Variants in DENND4C observed in about 807,000 individuals in gnomAD.
DENND4C encodes the protein DENN domain containing 4C, also known as DENN domain-containing protein 4C.
DENND4C carries 108 observed loss-of-function variants against 203.0 expected under a neutral mutation model. The ratio of observed to expected loss-of-function variants is 0.53; its 90% CI spans 0.46 to 0.62. DENND4C has a LOEUF of 0.62. Ranked by LOEUF, DENND4C falls within the 20% of genes least tolerant of loss-of-function variation. The pLI, the probability that DENND4C is intolerant of heterozygous loss-of-function variation, is 0.00. For missense variants in DENND4C, 2,481 were observed against 2,301.2 expected, an observed-to-expected ratio of 1.08 and a Z score of -1.60; for synonymous variants, 871 against 792.4, an observed-to-expected ratio of 1.10 and a Z score of -1.67.
chr9:19,328,229 C>A, intron 16 of DENND4C, 67 bp downstream of exon 16: 1 of 1,419,708 alleles, frequency 7.0e-7, no homozygotes, highest in South Asian at 1.4e-5. Flanking sequence ...ATATGCAGCT[C>A]ATAGTTTAGA....
intron 1 of DENND4C, among the ~76,000 whole-genome samples, chr9:19,245,804 A>C (rs200159627): frequency 1.3e-5 from 2 of 150,842 alleles, no homozygotes; most frequent in African/African-American, 4.9e-5. Flanking sequence ...TGCGGTGAGC[A>C]GAGATCATGC....
chr9:19,253,928 C>T (rs957143520), intron 1 of DENND4C, among the ~76,000 whole-genome samples: 1 of 152,026 alleles, frequency 6.6e-6, no homozygotes, highest in Non-Finnish European at 1.5e-5. Context: ...ATTGCTTGAG[C>T]CCAGAAGTTC....
At chr9:19,241,452 AT>A (rs1823696546) in intron 1 of DENND4C, among the ~76,000 whole-genome samples, 1 of 150,400 alleles carries the variant, frequency 6.6e-6, no homozygotes, top group East Asian at 1.9e-4. Context: ...GGCTCAAGTG[AT>A]TCTCTGGCCT....
chr9:19,336,206 T>A, intron 18 of DENND4C, 64 bp from the exon 19 acceptor site: 1 of 1,465,562 alleles, frequency 6.8e-7, no homozygotes, highest in South Asian at 1.3e-5. Flanking sequence ...CACACATATA[T>A]GTATGTATTT....
At chr9:19,247,288 A>C (rs181386937) in intron 1 of DENND4C, among the ~76,000 whole-genome samples, 9 of 152,142 alleles carry the variant, frequency 5.9e-5, no homozygotes, top group African/African-American at 1.9e-4. Flanking sequence ...GTATTTGACA[A>C]TTCTTTGAGT....
chr9:19,278,117 T>C (rs1176234770), intron 2 of DENND4C, among the ~76,000 whole-genome samples: 6 of 151,474 alleles, frequency 4.0e-5, no homozygotes, highest in Admixed American at 1.3e-4. Flanking sequence ...GTTGTTCTCT[T>C]TTTGTTGTTG....
chr9:19,302,565 A>C (rs1563780733), intron 9 of DENND4C, among the ~76,000 whole-genome samples: 1 of 152,224 alleles, frequency 6.6e-6, no homozygotes, highest in Non-Finnish European at 1.5e-5. Flanking sequence ...TTGTCACTCA[A>C]AGAAATCTGA....
intron 1 of DENND4C, among the ~76,000 whole-genome samples, chr9:19,236,675 G>A (rs917945658): frequency 6.6e-6 from 1 of 152,186 alleles, no homozygotes; most frequent in Admixed American, 6.5e-5. Context: ...ATTGAGAACA[G>A]CATGGTAGGG....
At chr9:19,233,930 C>A (rs567383458) in intron 1 of DENND4C, among the ~76,000 whole-genome samples, 2 of 152,102 alleles carry the variant, frequency 1.3e-5, no homozygotes, top group South Asian at 2.1e-4. Flanking sequence ...AAAAGAAATT[C>A]AAAAGAAAAA....
chr9:19,371,723 C>G, intron 31 of DENND4C, 33 bp from the exon 32 acceptor site: 1 of 1,106,432 alleles, frequency 9.0e-7, no homozygotes, highest in African/African-American at 1.6e-5. Flanking sequence ...ATGCTATTTG[C>G]CCATTGACTT....
intron 1 of DENND4C, among the ~76,000 whole-genome samples, chr9:19,270,156 G>C (rs905755210): frequency 4.6e-5 from 7 of 152,272 alleles, no homozygotes; most frequent in Non-Finnish European, 1.0e-4. Flanking sequence ...GAGTTGAGGG[G>C]AGGAGTGACA....
At chr9:19,354,123 A>G (rs1018775012) in intron 26 of DENND4C, among the ~76,000 whole-genome samples, 2 of 152,034 alleles carry the variant, frequency 1.3e-5, no homozygotes, top group Non-Finnish European at 2.9e-5. Flanking sequence ...TTATTGCTCT[A>G]TTTTAAATCT....
chr9:19,365,693 A>C (rs1044883050), intron 30 of DENND4C, among the ~76,000 whole-genome samples: 1 of 151,050 alleles, frequency 6.6e-6, no homozygotes, highest in Non-Finnish European at 1.5e-5. Context: ...ATATTATTAT[A>C]CACACACACC....
chr9:19,282,041 A>T (rs1052322836), intron 2 of DENND4C, among the ~76,000 whole-genome samples: 1 of 152,194 alleles, frequency 6.6e-6, no homozygotes, highest in African/African-American at 2.4e-5. Flanking sequence ...ACATTACTGT[A>T]TACTACTATA....
At chr9:19,371,872 A>G (rs763508093) in intron 32 of DENND4C, 52 bp downstream of exon 32, 1 of 1,368,592 alleles carries the variant, frequency 7.3e-7, no homozygotes, top group Admixed American at 2.2e-5. Flanking sequence ...TTTATTTTCA[A>G]AAGTAATTTT....
In DENND4C at chr9:19,336,742, G is replaced by GA. The variant is rs1563816986; in HGVS notation, c.2792dup (p.Asp931GlufsTer2). ...GGACACGGTGAGCCACGGTAGTGTG[G>GA]ATAGTTCTAATGATGCTAACAATGG... On this transcript the variant is annotated frameshift_variant, in exon 20 of 33. Coordinates refer to ENST00000434457, the MANE Select transcript of DENND4C (RefSeq NM_001330640.2). LOFTEE classifies it high-confidence loss of function. 6.4e-7 allele frequency: 1 copy of GA among 1,551,024 alleles called. No individual in the cohort carries two copies. Among genetic ancestry groups the GA allele is most frequent in the Non-Finnish European group, 8.7e-7 (1 of 1,147,068 alleles).
intron 22 of DENND4C, among the ~76,000 whole-genome samples, chr9:19,344,729 C>T (rs1173643217): frequency 6.6e-6 from 1 of 152,160 alleles, no homozygotes; most frequent in African/African-American, 2.4e-5. Flanking sequence ...TCTCGAGCTC[C>T]TGAGCTCAGG....
At chr9:19,288,106 A>G (rs1203278973) in intron 3 of DENND4C, among the ~76,000 whole-genome samples, 1 of 152,258 alleles carries the variant, frequency 6.6e-6, no homozygotes, top group Non-Finnish European at 1.5e-5. Context: ...CATAGTTTTT[A>G]AAGACTACAG....
At chr9:19,323,357 G>A (rs1266052699) in intron 12 of DENND4C, among the ~76,000 whole-genome samples, 1 of 151,954 alleles carries the variant, frequency 6.6e-6, no homozygotes, top group Non-Finnish European at 1.5e-5. Flanking sequence ...TTAAACCTGG[G>A]AGGCAGAGGT....
Sources: gnomAD v4.1 joint callset for allele counts (sites outside exome capture counted in the v4.1 genomes callset) on GRCh38, gnomAD v4.1.1 for gene constraint, MANE v1.5 for transcripts, NCBI Gene and HGNC (gene_info 2026-07-23, HGNC 2026-07-21) for gene names.